The following CACNA1H variants were observed in gnomAD, a reference collection of about 807,000 sequenced individuals.
The protein encoded by CACNA1H is voltage-dependent T-type calcium channel subunit alpha-1H.
CACNA1H carries 149 observed loss-of-function variants against 192.5 expected under a neutral mutation model. That is an observed-to-expected ratio of 0.77 (90% CI 0.68 to 0.89). CACNA1H has a LOEUF of 0.89. Among genes scored for constraint, CACNA1H ranks in the 40% least tolerant of loss-of-function variants. CACNA1H has a pLI of 0.00. For missense variants in CACNA1H, 4,257 were observed against 3,423.5 expected (o/e 1.24, Z -6.08); for synonymous variants, 2,202 against 1,475.2 (o/e 1.49, Z -11.29).
At position 1,212,091 on chromosome 16, in the gene CACNA1H, G is replaced by C; in HGVS notation, c.4712G>C (p.Arg1571Pro). The C allele has an allele frequency of 1.2e-5, 19 of 1,611,880 alleles. No individual in the cohort carries two copies. Among genetic ancestry groups the C allele is most frequent in the Non-Finnish European group, 1.5e-5 (18 of 1,179,596 alleles). Reference sequence around the variant, plus strand: ...CAGCACCAGGAGGCGGAGGAGGCGCGGCGGCGAGAGGAGAAGCGGCTGCGG... The same window carrying C: ...CAGCACCAGGAGGCGGAGGAGGCGCCGCGGCGAGAGGAGAAGCGGCTGCGG... ...CRQHQEAEEA[R>P]RREEKRLRRL... is the part of the protein sequence containing the mutation. Residue 1571 changes from arginine to proline, a missense_variant, in exon 25 of 35, where the codon CGG (arginine) becomes CCG (proline). Physicochemically the swap from Arg to Pro is moderately radical, Grantham distance 103. Coordinates refer to ENST00000348261, the MANE Select transcript of CACNA1H (RefSeq NM_021098.3).
chr16:1,186,173 G>A (rs1424421503), intron 2 of CACNA1H, among the ~76,000 whole-genome samples: 5 of 151,734 alleles, frequency 3.3e-5, no homozygotes, highest in African/African-American at 4.9e-5. Flanking sequence ...CGTAGGGGCC[G>A]GAGGCGGGGT....
chr16:1,210,475 C>T lies in CACNA1H; in HGVS notation c.3951C>T (p.Asp1317=), dbSNP rs769876227. 2.5e-6 allele frequency: 4 copies of T among 1,612,100 alleles called. No homozygotes were observed. The highest frequency in any genetic ancestry group is 1.7e-5 in the Admixed American group (1 of 59,952). Residue 1317 remains aspartate, a synonymous_variant, in exon 19 of 35, where the codon GAC becomes GAT. Transcript: ENST00000348261. ...TCACCATCGCCCTGGAGAGGCCTGA[C>T]ATTGATCCCGGCAGCACCGTGAGTC... The part of the protein sequence containing the change: ...NCVTIALERP[D]IDPGSTERVF...
At chr16:1,188,112 T>G (rs1332647217) in intron 2 of CACNA1H, among the ~76,000 whole-genome samples, 1 of 151,864 alleles carries the variant, frequency 6.6e-6, no homozygotes, top group Admixed American at 6.6e-5. Flanking sequence ...CAGGTGGAGG[T>G]AGAATTGGGG....
In CACNA1H at chr16:1,167,266, G is replaced by A. The variant is rs999188743; in HGVS notation, c.299+13230G>A. On this transcript the variant is annotated intron_variant, in intron 2 of 34. Transcript: ENST00000348261. This position sits in a 1 kb window ranked among gnomAD's most constrained non-coding sequence, Gnocchi z 4.2. ...GGGCCTCCTGTCAGCAGCCCGTCCC[G>A]GTGGGTGGGGCTTGCCGGCCGCCCG... is the stretch of plus-strand genomic sequence containing the variant. 3.0e-4 allele frequency among the ~76,000 whole-genome samples: 45 copies of A among 152,186 alleles called. No homozygotes were observed. Among genetic ancestry groups the A allele is most frequent in the African/African-American group, 9.6e-4 (40 of 41,454 alleles).
intron 30 of CACNA1H, among the ~76,000 whole-genome samples, chr16:1,216,546 G>C (rs549331983): frequency 6.6e-6 from 1 of 152,382 alleles, no homozygotes; most frequent in South Asian, 2.1e-4. Flanking sequence ...GGATCTCTGA[G>C]GTAGCCGCTG....
At chr16:1,158,861 C>T (rs895632619) in intron 2 of CACNA1H, among the ~76,000 whole-genome samples, 20 of 148,192 alleles carry the variant, frequency 1.3e-4, no homozygotes, top group African/African-American at 1.6e-4. Context: ...CCGCTCAGCC[C>T]GCACCCCTGG....
intron 2 of CACNA1H, among the ~76,000 whole-genome samples, chr16:1,171,020 C>G (rs183634517): frequency 5.7e-4 from 87 of 152,174 alleles, no homozygotes; most frequent in African/African-American, 2.0e-3. Context: ...AGCTCTCCCC[C>G]CAACCACTGC....
chr16:1,211,055 G>A, intron 21 of CACNA1H, 84 bp downstream of exon 21: 1 of 1,557,946 alleles, frequency 6.4e-7, no homozygotes, highest in South Asian at 1.2e-5. Context: ...CCGCAGTCCT[G>A]GGCTGTTCGC....
At chr16:1,183,283 C>G (rs1036661838) in intron 2 of CACNA1H, among the ~76,000 whole-genome samples, 1 of 152,162 alleles carries the variant, frequency 6.6e-6, no homozygotes, top group Non-Finnish European at 1.5e-5. Flanking sequence ...CCCAGTTTTC[C>G]CCCAGCACAG....
chr16:1,218,847 A>T (rs2141397919), intron 33 of CACNA1H, 123 bp from the exon 34 acceptor site: 2 of 1,134,530 alleles, frequency 1.8e-6, no homozygotes, highest in South Asian at 3.0e-5. Flanking sequence ...GAGAGAGAGG[A>T]CGGGTCGGGC....
chr16:1,174,102 A>G (rs575787169), intron 2 of CACNA1H, among the ~76,000 whole-genome samples: 38 of 152,306 alleles, frequency 2.5e-4, no homozygotes, highest in African/African-American at 8.4e-4. Context: ...CTCACAGTCC[A>G]TGCAGCTCTG....
At chr16:1,177,557 G>A (rs539767561) in intron 2 of CACNA1H, among the ~76,000 whole-genome samples, 2 of 152,128 alleles carry the variant, frequency 1.3e-5, no homozygotes, top group African/African-American at 4.8e-5. Flanking sequence ...GTGTTGGGGT[G>A]GAAGGGAAGG....
chr16:1,220,686 G>A lies in CACNA1H; in HGVS notation c.6754G>A (p.Gly2252Ser). 1 of 1,610,720 alleles carries A rather than the reference G, an allele frequency of 6.2e-7. No individual in the cohort carries two copies. Among genetic ancestry groups the A allele is most frequent in the Non-Finnish European group, 8.5e-7 (1 of 1,179,024 alleles). The part of the protein sequence containing the change: ...GDPAAKGERW[G>S]QASCRAEHLT... The stretch of plus-strand genomic sequence containing the variant: ...CCCTGCAGCCAAGGGGGAGCGCTGG[G>A]GCCAGGCCTCCTGCCGGGCTGAGCA... Residue 2252 changes from glycine to serine, a missense_variant, in exon 35 of 35, where the codon GGC (glycine) becomes AGC (serine). By Grantham distance (56) the Gly-to-Ser change is moderately conservative. Transcript: ENST00000348261.
In CACNA1H at chr16:1,211,305, C is replaced by T; in HGVS notation, c.4350+11C>T. On this transcript the variant is annotated intron_variant, in intron 22 of 34. Coordinates refer to ENST00000348261, the MANE Select transcript of CACNA1H (RefSeq NM_021098.3). ...ATTTTGGGTGTGCAGGTGTGTGGCCCCCACGTGCCCGGGGGTCTGCCCCGT... is the reference window on the plus strand; with the variant it reads ...ATTTTGGGTGTGCAGGTGTGTGGCCTCCACGTGCCCGGGGGTCTGCCCCGT... 1 of 1,612,790 alleles carries T rather than the reference C, an allele frequency of 6.2e-7. No individual in the cohort carries two copies. Among genetic ancestry groups the T allele is most frequent in the Non-Finnish European group, 8.5e-7 (1 of 1,179,646 alleles).
Position 1,208,072 on chromosome 16 carries a change from C to G in CACNA1H, c.3214C>G (p.Leu1072Val), listed in dbSNP as rs1238128692. 1.9e-6 allele frequency: 3 copies of G among 1,603,866 alleles called. No homozygotes were observed. The highest frequency in any genetic ancestry group is 3.4e-5 in the Admixed American group (2 of 59,070). The change falls in exon 16 of 35, where the codon CTG (leucine) becomes GTG (valine). Residue 1072 changes from leucine (L) to valine (V), a missense_variant. By Grantham distance (32) the Leu-to-Val change is conservative (BLOSUM62 1). Coordinates refer to ENST00000348261, the MANE Select transcript of CACNA1H (RefSeq NM_021098.3). ...CGGGCACCTGGAGGGACGAGGCAGC[C>G]TGTCCCCTCCCCTCATCATGTGCAC... is the stretch of plus-strand genomic sequence containing the variant. ...PNGHLEGRGS[L>V]SPPLIMCTAA... is the part of the protein sequence containing the mutation.
chr16:1,217,907 C>T lies in CACNA1H; in HGVS notation c.5324-12C>T. 1.3e-6 allele frequency: 2 copies of T among 1,592,678 alleles called. No individual in the cohort carries two copies. The highest frequency in any genetic ancestry group is 1.7e-6 in the Non-Finnish European group (2 of 1,169,644). ...GGGCTCGGCTGACCGGGCGGGGTCT[C>T]CCTCCCCGCAGAGTGCAGTGAAGAC... On this transcript the variant is annotated splice_polypyrimidine_tract_variant and intron_variant, in intron 31 of 34. Transcript: ENST00000348261.
In CACNA1H at chr16:1,211,872, G is replaced by C; in HGVS notation, c.4566+67G>C. The C allele has an allele frequency of 3.1e-6, 5 of 1,609,668 alleles. No individual in the cohort carries two copies. The South Asian group carries it at 4.4e-5, about 14-fold the overall frequency. On this transcript the variant is annotated intron_variant, in intron 24 of 34. Transcript: ENST00000348261. The stretch of plus-strand genomic sequence containing the variant: ...CGCGAGCGGCTGCCTTGGCCTCTGG[G>C]GACTCGGGGGGCCATCCTGGGTAGG...
intron 8 of CACNA1H, among the ~76,000 whole-genome samples, chr16:1,201,372 G>A (rs910315861): frequency 1.3e-5 from 2 of 152,254 alleles, no homozygotes; most frequent in African/African-American, 2.4e-5. Flanking sequence ...CGTTGAGAGG[G>A]TCATCTCAAG....
intron 25 of CACNA1H, 137 bp downstream of exon 25, chr16:1,212,275 G>T: frequency 7.5e-7 from 1 of 1,339,680 alleles, no homozygotes; most frequent in Non-Finnish European, 9.9e-7. Context: ...CTGCATGGGG[G>T]CTGGGCCTTG....
Sources: allele counts gnomAD v4.1 joint callset (sites outside exome capture counted in the v4.1 genomes callset), GRCh38; gene constraint gnomAD v4.1.1; non-coding constraint Gnocchi (gnomAD v3.1); transcripts MANE v1.5; gene names NCBI Gene and HGNC (gene_info 2026-07-23, HGNC 2026-07-21).